Variants in QRICH2 observed in about 807,000 individuals in gnomAD.
QRICH2 encodes the protein glutamine rich 2.
In QRICH2, 119 loss-of-function variants were observed where a neutral mutation model predicts 168.3. The observed-to-expected ratio is 0.71, with a 90% CI of 0.61 to 0.82. The LOEUF is 0.82. Among genes scored for constraint, QRICH2 ranks in the 40% least tolerant of loss-of-function variants. QRICH2 has a pLI of 0.00. For synonymous variants in QRICH2, 894 were observed against 951.2 expected (o/e 0.94, Z 1.11); for missense variants, 2,241 against 2,491.6 (o/e 0.90, Z 2.14).
rs144562296 is a variant in QRICH2, at chr17:76,292,111, C to G, written c.2616G>C (p.Val872=). 270 of 1,609,630 alleles carry G rather than the reference C, an allele frequency of 1.7e-4. No individual in the cohort carries two copies. The highest frequency in any genetic ancestry group is 1.9e-4 in the Non-Finnish European group (221 of 1,178,180). ...AACCACGCTGATCCACTCCAGGTTG[C>G]ACCAAACCACGCTGATCCACTCCAG... The part of the protein sequence containing the change: ...VQPGVDQRGL[V]QPGVDQRGLV... Residue 872 remains valine, a synonymous_variant, in exon 4 of 19, where the codon GTG becomes GTC. Transcript: ENST00000680821.
Position 76,275,906 on chromosome 17 carries a change from G to GT in QRICH2, c.5394_5395insA (p.His1799ThrfsTer38). 1.9e-6 allele frequency: 3 copies of GT among 1,609,116 alleles called. No homozygotes were observed. The South Asian group carries it at 3.3e-5, about 18-fold the overall frequency. ...CTGAGGGATGGCGGCCTGTGCACGT[G>GT]GGGCCTGGGCTGCTGGGACTTGCGC... On this transcript the variant is annotated frameshift_variant, in exon 18 of 19. Coordinates refer to ENST00000680821, the MANE Select transcript of QRICH2 (RefSeq NM_001388453.1). LOFTEE classifies it high-confidence loss of function.
In QRICH2 at chr17:76,277,154, G is replaced by T; in HGVS notation, c.5265+9C>A. ...CTCCCTCCCTGGTGGCTCCAGGCAG[G>T]GCCCTGACCTTCATGGCAATCTGGA... On this transcript the variant is annotated intron_variant, in intron 16 of 18. Transcript: ENST00000680821. 1 of 1,550,892 alleles carries T rather than the reference G, an allele frequency of 6.4e-7. No individual in the cohort carries two copies. Among genetic ancestry groups the T allele is most frequent in the Non-Finnish European group, 8.7e-7 (1 of 1,155,426 alleles).
intron 18 of QRICH2, among the ~76,000 whole-genome samples, chr17:76,274,739 G>A (rs1320382712): frequency 5.3e-5 from 8 of 152,114 alleles, no homozygotes; most frequent in African/African-American, 1.7e-4. Flanking sequence ...GAGACCTGCC[G>A]TTCCCAGCAC....
rs778159266 is a variant in QRICH2 at position 76,278,061 on chromosome 17, G to A, written c.5045C>T (p.Ser1682Phe). 1.2e-6 allele frequency: 2 copies of A among 1,613,920 alleles called. No individual in the cohort carries two copies. Among genetic ancestry groups the A allele is most frequent in the Non-Finnish European group, 8.5e-7 (1 of 1,180,040 alleles). Residue 1682 changes from serine (S) to phenylalanine (F), a missense_variant, in exon 15 of 19, where the codon TCC becomes TTC. This residue lies in a region of QRICH2 where 2,047 missense variants were observed against 2,303.8 expected (regional missense o/e 0.89). Transcript: ENST00000680821. Reference sequence around the variant, plus strand: ...GATTATCTGGCTGCTGGCCTTGGTGGAGCCCCCGAAGTGGATCTGCACCTT... The same window carrying A: ...GATTATCTGGCTGCTGGCCTTGGTGAAGCCCCCGAAGTGGATCTGCACCTT... ...IEKVQIHFGG[S>F]TKASSQIIRE...
chr17:76,276,911 G>T (rs1269361835), intron 16 of QRICH2, 144 bp from the exon 17 acceptor site: 1 of 736,532 alleles, frequency 1.4e-6, no homozygotes, highest in Non-Finnish European at 2.2e-6. Flanking sequence ...GCGAGAAGGT[G>T]GAGGGAGGTG....
chr17:76,292,203 C>A lies in QRICH2; in HGVS notation c.2524G>T (p.Val842Phe). The change falls in exon 4 of 19, where the codon GTC becomes TTC. Residue 842 changes from valine to phenylalanine, a missense_variant. Physicochemically the swap from Val to Phe is conservative, Grantham distance 50. This residue lies in a region of QRICH2 where 2,047 missense variants were observed against 2,303.8 expected (regional missense o/e 0.89). Transcript: ENST00000680821. ...VQPGAVQRGL[V>F]QPGAVQHGLV... ...CCATGCTGAACTGCACCAGGTTGGACCAAACCACGCTGAACTGCACCAGGT... is the reference window on the plus strand; with the variant it reads ...CCATGCTGAACTGCACCAGGTTGGAACAAACCACGCTGAACTGCACCAGGT... 6.6e-7 allele frequency: 1 copy of A among 1,525,944 alleles called. No homozygotes were observed. The allele number at this position is 1,525,944 out of a possible 1,614,324, so 94.5% of individuals were successfully genotyped here.
At chr17:76,297,439 G>A (rs1403859791) in intron 3 of QRICH2, among the ~76,000 whole-genome samples, 3 of 152,176 alleles carry the variant, frequency 2.0e-5, no homozygotes, top group South Asian at 4.2e-4. Flanking sequence ...CCCAGGAGGC[G>A]GAGATTGCAG....
At chr17:76,299,914 G>A (rs868303152) in intron 3 of QRICH2, among the ~76,000 whole-genome samples, 2 of 151,194 alleles carry the variant, frequency 1.3e-5, no homozygotes, top group African/African-American at 2.4e-5. Flanking sequence ...TGCAACCTCC[G>A]CCTTCCGGTG....
chr17:76,289,959 A>G, intron 5 of QRICH2, 33 bp downstream of exon 5: 2 of 1,510,460 alleles, frequency 1.3e-6, no homozygotes, highest in Non-Finnish European at 1.8e-6. Context: ...CTCAAAAAAA[A>G]AAAAAAGACA....
In QRICH2 at chr17:76,287,874, C is replaced by T; in HGVS notation, c.3822G>A (p.Leu1274=). 1 of 1,614,092 alleles carries T rather than the reference C, an allele frequency of 6.2e-7. No individual in the cohort carries two copies. The highest frequency in any genetic ancestry group is 2.2e-5 in the East Asian group (1 of 44,874). ...CTGCTTCTTGATTCCCTTCCCCTTC[C>T]AGGATCCTCTGCAGCCTTTCCACCT... The part of the protein sequence containing the change: ...KAKVERLQRI[L]EGEGNQEAGK... Residue 1274 remains leucine (L), a synonymous_variant, in exon 6 of 19, where the codon CTG becomes CTA. Transcript: ENST00000680821.
chr17:76,285,164 G>A (rs558877538), intron 7 of QRICH2, among the ~76,000 whole-genome samples: 4 of 133,466 alleles, frequency 3.0e-5, no homozygotes, highest in South Asian at 2.1e-4. Context: ...ATGGAGTCTC[G>A]CTTTTTCACC....
chr17:76,295,220 C>T (rs2070777118), intron 3 of QRICH2, among the ~76,000 whole-genome samples: 1 of 151,632 alleles, frequency 6.6e-6, no homozygotes. Context: ...GATCGCACCA[C>T]TGCACTTCAG....
chr17:76,307,940 G>C lies in QRICH2; in HGVS notation c.59C>G (p.Pro20Arg), dbSNP rs1486414174. 8.1e-7 allele frequency: 1 copy of C among 1,235,804 alleles called. No individual in the cohort carries two copies. The highest frequency in any genetic ancestry group is 1.6e-5 in the African/African-American group (1 of 64,406). 76.6% of individuals were successfully genotyped at this position (1,235,804 alleles called of 1,614,324 possible). The change falls in exon 1 of 19, where the codon CCA becomes CGA. Residue 20 changes from proline (P) to arginine (R), a missense_variant. Coordinates refer to ENST00000680821, the MANE Select transcript of QRICH2 (RefSeq NM_001388453.1). This position sits in a 1 kb window ranked among gnomAD's most constrained non-coding sequence, Gnocchi z 5.3. ...CGTGAAGTTGACGGCGCCCACCTCT[G>C]GCGTGCCGATGGAGAGGTCCGCCAG... ...RELADLSIGT[P>R]EVGAVNFTAL...
At chr17:76,299,884 G>A (rs2070868018) in intron 3 of QRICH2, among the ~76,000 whole-genome samples, 1 of 151,352 alleles carries the variant, frequency 6.6e-6, no homozygotes, top group Non-Finnish European at 1.5e-5. Context: ...CTGGAGTGCA[G>A]TGATGCGATC....
chr17:76,303,994 A>G (rs1185609905), intron 3 of QRICH2, among the ~76,000 whole-genome samples: 1 of 152,182 alleles, frequency 6.6e-6, no homozygotes, highest in East Asian at 1.9e-4. Context: ...GACAGACTGT[A>G]AAGAAAGTTT....
chr17:76,287,386 G>A (rs2070909322), intron 6 of QRICH2, 80 bp from the exon 7 acceptor site: 1 of 992,596 alleles, frequency 1.0e-6, no homozygotes. Context: ...GGGACGCAGG[G>A]GGATGCAGAC....
upstream of QRICH2, chr17:76,310,709 T>C (rs1385429582): frequency 6.6e-6 from 1 of 151,174 alleles, no homozygotes; most frequent in African/African-American, 2.4e-5. Context: ...GCTCAAGCAA[T>C]CCTCCTTGCC....
intron 16 of QRICH2, 98 bp downstream of exon 16, chr17:76,277,065 G>C (rs2070693714): frequency 7.6e-7 from 1 of 1,314,798 alleles, no homozygotes; most frequent in Non-Finnish European, 1.0e-6. Context: ...CCTCAAGGCA[G>C]AGGGCTGGCT....
At position 76,292,726 on chromosome 17, in the gene QRICH2, C is replaced by T. The variant is rs561601133; in HGVS notation, c.2001G>A (p.Gln667=). ...ATCTGCCAGGTTGGACCATGCCAGG[C>T]TGATCTACACCAGGCTGTACCAAGA... is the stretch of plus-strand genomic sequence containing the variant. ...QGVLVQPGVD[Q]PGMVQPGRFQ... The change falls in exon 4 of 19, where the codon CAG becomes CAA. Residue 667 remains glutamine, a synonymous_variant. Transcript: ENST00000680821. 1.9e-6 allele frequency: 3 copies of T among 1,608,242 alleles called. No individual in the cohort carries two copies. The East Asian group carries it at 6.7e-5, about 36-fold the overall frequency.
Sources: allele counts gnomAD v4.1 joint callset (sites outside exome capture counted in the v4.1 genomes callset), GRCh38; gene constraint gnomAD v4.1.1; regional missense constraint gnomAD v4.1.1; non-coding constraint Gnocchi (gnomAD v3.1); transcripts MANE v1.5; gene names NCBI Gene and HGNC (gene_info 2026-07-23, HGNC 2026-07-21).